RBFOX1: variants seen among roughly 807,000 people sequenced by gnomAD.
RBFOX1 encodes RNA binding protein fox-1 homolog 1.
Under a neutral mutation model 57.7 loss-of-function variants are expected in RBFOX1, and 8 were observed. The ratio of observed to expected loss-of-function variants is 0.14; its 90% CI spans 0.08 to 0.25. The LOEUF (loss-of-function observed/expected upper bound fraction) is 0.25. Ranked by LOEUF, RBFOX1 falls within the 10% of genes least tolerant of loss-of-function variation. The pLI is 1.00. For synonymous variants in RBFOX1, 326 were observed against 222.4 expected (o/e 1.47, Z -4.15); for missense variants, 611 against 548.5 (o/e 1.11, Z -1.14).
intron 2 of RBFOX1, among the ~76,000 whole-genome samples, chr16:6,560,944 CAG>C (rs1567686765): frequency 2.6e-5 from 4 of 152,186 alleles, no homozygotes; most frequent in African/African-American, 9.6e-5. Flanking sequence ...ATTCATCCCT[CAG>C]AGGCATGTGC....
At chr16:6,348,699 C>G (rs2085783699) in intron 2 of RBFOX1, among the ~76,000 whole-genome samples, 1 of 152,122 alleles carries the variant, frequency 6.6e-6, no homozygotes, top group African/African-American at 2.4e-5. Context: ...GTGCCACGTT[C>G]TTTTAAACAA....
chr16:6,673,636 GTA>G (rs2154113560), intron 3 of RBFOX1, among the ~76,000 whole-genome samples: 1 of 152,270 alleles, frequency 6.6e-6, no homozygotes, highest in African/African-American at 2.4e-5. Context: ...TGAACACAAA[GTA>G]ATGAAATATG....
In RBFOX1 at chr16:6,874,819, T is replaced by C. The variant is rs188794811; in HGVS notation, c.-15-177238T>C. Among the ~76,000 whole-genome samples, 20 of 152,210 alleles carry C rather than the reference T, an allele frequency of 1.3e-4. No individual in the cohort carries two copies. The East Asian group carries it at 2.9e-3, about 22-fold the overall frequency. ...TGAGGGATAAAAGACTACATACTGA[T>C]TGGGTGATGGGTGCATCAAAATCTC... On this transcript the variant is annotated intron_variant, in intron 3 of 15. Transcript: ENST00000550418.
intron 3 of RBFOX1, among the ~76,000 whole-genome samples, chr16:6,735,087 G>A (rs983438500): frequency 6.6e-6 from 1 of 152,088 alleles, no homozygotes; most frequent in Non-Finnish European, 1.5e-5. Flanking sequence ...CAAGGCTTCA[G>A]CGAGCCATGA....
intron 4 of RBFOX1, among the ~76,000 whole-genome samples, chr16:5,906,501 C>T (rs1325625087): frequency 1.3e-5 from 2 of 152,018 alleles, no homozygotes; most frequent in Non-Finnish European, 2.9e-5. Flanking sequence ...CTTGCACTTC[C>T]AGCCTCCAGA....
intron 11 of RBFOX1, among the ~76,000 whole-genome samples, chr16:7,637,301 A>G (rs1048421726): frequency 1.3e-5 from 2 of 151,896 alleles, no homozygotes; most frequent in Admixed American, 1.3e-4. Flanking sequence ...AAAAAAAGAT[A>G]TCATGGGCAA....
At chr16:7,053,989 G>A (rs1034844655) in intron 4 of RBFOX1, among the ~76,000 whole-genome samples, 2 of 151,960 alleles carry the variant, frequency 1.3e-5, no homozygotes, top group African/African-American at 2.4e-5. Flanking sequence ...CTTCCCACGT[G>A]ACTTAGGCGT....
intron 4 of RBFOX1, among the ~76,000 whole-genome samples, chr16:5,916,457 G>A (rs771933935): frequency 6.6e-6 from 1 of 151,942 alleles, no homozygotes; most frequent in African/African-American, 2.4e-5. Context: ...TAGGGAAAAG[G>A]CCTCTGCTTG....
At chr16:6,796,148 T>G (rs1419561891) in intron 3 of RBFOX1, among the ~76,000 whole-genome samples, 1 of 152,078 alleles carries the variant, frequency 6.6e-6, no homozygotes, top group East Asian at 1.9e-4. Flanking sequence ...ATGTCTCACA[T>G]GGTGGCGGAC....
intron 3 of RBFOX1, among the ~76,000 whole-genome samples, chr16:7,007,942 C>T (rs183680117): frequency 4.6e-5 from 7 of 152,162 alleles, no homozygotes; most frequent in East Asian, 1.9e-4. Flanking sequence ...CAACAGGTGC[C>T]GTGAGAAACA....
chr16:7,547,032 ACGGCAGTGT>A (rs1294636171), intron 5 of RBFOX1, among the ~76,000 whole-genome samples: 2 of 152,202 alleles, frequency 1.3e-5, no homozygotes, highest in African/African-American at 4.8e-5. Flanking sequence ...CCAAGACTGC[ACGGCAGTGT>A]CCTGTCTCCT....
At chr16:6,773,808 G>C (rs886961365) in intron 3 of RBFOX1, 1 of 219,750 alleles carries the variant, frequency 4.6e-6, no homozygotes, top group Non-Finnish European at 7.7e-6. Flanking sequence ...GTGGGAGTTT[G>C]GTGCATTTGT....
chr16:5,978,630 T>C (rs753283812), intron 4 of RBFOX1, among the ~76,000 whole-genome samples: 3 of 152,060 alleles, frequency 2.0e-5, no homozygotes, highest in African/African-American at 4.8e-5. Context: ...TCCTCTGTTA[T>C]GTGAAAAAGA....
At chr16:7,238,712 G>T (rs1456021005) in intron 4 of RBFOX1, among the ~76,000 whole-genome samples, 1 of 152,158 alleles carries the variant, frequency 6.6e-6, no homozygotes, top group Non-Finnish European at 1.5e-5. Context: ...TGTCATGGGG[G>T]TTTGTTGTGC....
chr16:5,570,575 C>G (rs2046247408), intron 2 of RBFOX1, among the ~76,000 whole-genome samples: 1 of 152,070 alleles, frequency 6.6e-6, no homozygotes, highest in Non-Finnish European at 1.5e-5. Flanking sequence ...TGTGGTGGTT[C>G]ACGCCTGTAA....
rs987204703 is a variant in RBFOX1, at chr16:5,378,748, A to G, written c.220-88468A>G. Among the ~76,000 whole-genome samples the G allele has an allele frequency of 4.6e-5, 7 of 151,558 alleles. 1 individual carries two copies. Among genetic ancestry groups the G allele is most frequent in the African/African-American group, 1.7e-4 (7 of 40,820 alleles). Reference sequence around the variant, plus strand: ...ACGTTTTCTGAGCCTCAGTTTTGTCATCTGTAAAATGGGAGATAATGCTAA... The same window carrying G: ...ACGTTTTCTGAGCCTCAGTTTTGTCGTCTGTAAAATGGGAGATAATGCTAA... On this transcript the variant is annotated intron_variant, in intron 1 of 2. Coordinates refer to the RBFOX1 transcript ENST00000585867.
chr16:6,414,388 C>T (rs1298846433), intron 2 of RBFOX1, among the ~76,000 whole-genome samples: 1 of 152,158 alleles, frequency 6.6e-6, no homozygotes, highest in Admixed American at 6.5e-5. Context: ...TTCCCGGGCA[C>T]CTACTGTGTT....
chr16:6,123,831 G>A (rs1254727227), intron 1 of RBFOX1, among the ~76,000 whole-genome samples: 3 of 152,178 alleles, frequency 2.0e-5, no homozygotes, highest in Non-Finnish European at 4.4e-5. Flanking sequence ...CTTGACCCTG[G>A]GAAGTGGAGG....
chr16:5,828,158 C>G (rs1197761200), intron 3 of RBFOX1, among the ~76,000 whole-genome samples: 1 of 151,966 alleles, frequency 6.6e-6, no homozygotes, highest in African/African-American at 2.4e-5. Flanking sequence ...TTCAGTCTAT[C>G]CATCCCTGCA....
Sources: gnomAD v4.1 joint callset for allele counts (sites outside exome capture counted in the v4.1 genomes callset) on GRCh38, gnomAD v4.1.1 for gene constraint, MANE v1.5 for transcripts, NCBI Gene and HGNC (gene_info 2026-07-23, HGNC 2026-07-21) for gene names.